The following ENTREP2 variants were observed in gnomAD, a reference collection of about 807,000 sequenced individuals.
ENTREP2 encodes the protein protein ENTREP2.
chr15:29,623,881 G>A, the ENTREP2 span, among the ~76,000 whole-genome samples: 4 of 152,110 alleles, frequency 2.6e-5, no homozygotes, highest in South Asian at 4.2e-4. Flanking sequence ...GATTACAGGC[G>A]CCCACCACTA....
At chr15:29,421,931 G>A in the ENTREP2 span, among the ~76,000 whole-genome samples, 1 of 152,192 alleles carries the variant, frequency 6.6e-6, no homozygotes, top group Non-Finnish European at 1.5e-5. Context: ...CATCCTGCCA[G>A]ATGCTAAAGA....
chr15:29,276,746 C>T, the ENTREP2 span, among the ~76,000 whole-genome samples: 1 of 152,222 alleles, frequency 6.6e-6, no homozygotes, highest in Non-Finnish European at 1.5e-5. Context: ...AAAGCATCTC[C>T]TTTTGCTTAA....
the ENTREP2 span, among the ~76,000 whole-genome samples, chr15:29,156,660 C>A: frequency 6.6e-6 from 1 of 152,054 alleles, no homozygotes; most frequent in African/African-American, 2.4e-5. Context: ...ATGCAGATGC[C>A]GGTCTGAGGG....
the ENTREP2 span, among the ~76,000 whole-genome samples, chr15:29,629,257 T>G: frequency 6.6e-6 from 1 of 152,196 alleles, no homozygotes; most frequent in African/African-American, 2.4e-5. Context: ...TGTTTTTCAG[T>G]TCGTCACTAA....
At chr15:29,154,198 T>C in the ENTREP2 span, among the ~76,000 whole-genome samples, 1 of 152,224 alleles carries the variant, frequency 6.6e-6, no homozygotes, top group Non-Finnish European at 1.5e-5. Context: ...ATTTTCTGTG[T>C]AGACAATCAG....
chr15:29,358,575 C>T, the ENTREP2 span, among the ~76,000 whole-genome samples: 9 of 152,106 alleles, frequency 5.9e-5, no homozygotes, highest in Middle Eastern at 3.4e-3. Flanking sequence ...TTTCATTGTA[C>T]GTGTCATATA....
At chr15:29,455,730 G>C in the ENTREP2 span, among the ~76,000 whole-genome samples, 27,968 of 152,122 alleles carry the variant, frequency 0.18, 3,425 homozygotes, top group African/African-American at 0.35. Context: ...GTGAGCAGTG[G>C]GCAAGTGAGC....
chr15:29,225,165 C>T, the ENTREP2 span, among the ~76,000 whole-genome samples: 8 of 152,302 alleles, frequency 5.3e-5, no homozygotes, highest in East Asian at 7.8e-4. Context: ...GAACAGGCTC[C>T]AGCCTTGGCC....
At chr15:29,297,695 C>T in the ENTREP2 span, among the ~76,000 whole-genome samples, 1 of 152,088 alleles carries the variant, frequency 6.6e-6, no homozygotes, top group Non-Finnish European at 1.5e-5. Context: ...CTGATCAGGC[C>T]TCTAAATCCT....
At chr15:29,305,916 C>T in the ENTREP2 span, among the ~76,000 whole-genome samples, 3 of 152,190 alleles carry the variant, frequency 2.0e-5, no homozygotes, top group South Asian at 2.1e-4. Flanking sequence ...AAGCACTTCC[C>T]CTTTAGGAAG....
the ENTREP2 span, among the ~76,000 whole-genome samples, chr15:29,244,473 T>C: frequency 6.6e-6 from 1 of 152,330 alleles, no homozygotes; most frequent in African/African-American, 2.4e-5. Flanking sequence ...GGCTGACGCA[T>C]GTGCGCCAGG....
chr15:29,233,840 G>C, the ENTREP2 span: 11 of 1,582,250 alleles, frequency 7.0e-6, no homozygotes, highest in Non-Finnish European at 9.6e-6. Context: ...AAAAGGAGTA[G>C]AATGAGGGCT....
At chr15:29,318,319 TTTTTTG>T in the ENTREP2 span, among the ~76,000 whole-genome samples, 1 of 152,110 alleles carries the variant, frequency 6.6e-6, no homozygotes, top group South Asian at 2.1e-4. Flanking sequence ...GTACACTTTT[TTTTTTG>T]TTTTTTGTTT....
the ENTREP2 span, among the ~76,000 whole-genome samples, chr15:29,325,668 C>A: frequency 1.3e-5 from 2 of 152,234 alleles, no homozygotes; most frequent in East Asian, 3.9e-4. Context: ...TCCTACTAAA[C>A]ACTGATGGAA....
the ENTREP2 span, among the ~76,000 whole-genome samples, chr15:29,616,928 C>G: frequency 1.1e-4 from 17 of 152,090 alleles, no homozygotes. Flanking sequence ...GGTGTGGTGG[C>G]ACATGCCTGT....
the ENTREP2 span, among the ~76,000 whole-genome samples, chr15:29,490,155 T>A: frequency 6.6e-6 from 1 of 152,278 alleles, no homozygotes; most frequent in South Asian, 2.1e-4. Flanking sequence ...GGACCCCCGG[T>A]GAATTTTACA....
chr15:29,152,376 C>T, the ENTREP2 span, among the ~76,000 whole-genome samples: 1 of 152,148 alleles, frequency 6.6e-6, no homozygotes, highest in Non-Finnish European at 1.5e-5. Context: ...ACACGGGTCC[C>T]CCCAGTGTTG....
chr15:29,119,108 G>A, the ENTREP2 span, among the ~76,000 whole-genome samples: 2 of 152,172 alleles, frequency 1.3e-5, no homozygotes, highest in East Asian at 3.9e-4. Context: ...GCCATCAGGG[G>A]CATATAAAAG....
At chr15:29,341,615 G>C in the ENTREP2 span, among the ~76,000 whole-genome samples, 1 of 152,178 alleles carries the variant, frequency 6.6e-6, no homozygotes, top group South Asian at 2.1e-4. Context: ...CCTGCCCCTT[G>C]AAAGTCAGAG....
Sources: gnomAD v4.1 joint callset for allele counts (sites outside exome capture counted in the v4.1 genomes callset) on GRCh38, gnomAD v4.1.1 for gene constraint, MANE v1.5 for transcripts, NCBI Gene and HGNC (gene_info 2026-07-23, HGNC 2026-07-21) for gene names.